Variants in SEPTIN2 observed in about 807,000 individuals in gnomAD.
SEPTIN2 encodes the protein septin-2.
SEPTIN2 carries 34 observed loss-of-function variants against 46.5 expected under a neutral mutation model. The observed-to-expected ratio is 0.73, with a 90% CI of 0.56 to 0.97. SEPTIN2 has a LOEUF of 0.97. Ranked by LOEUF, SEPTIN2 falls within the 50% of genes least tolerant of loss-of-function variation. SEPTIN2 has a pLI of 0.00. For missense variants in SEPTIN2, 347 were observed against 448.4 expected, an observed-to-expected ratio of 0.77 and a Z score of 2.04; for synonymous variants, 175 against 153.4, an observed-to-expected ratio of 1.14 and a Z score of -1.04.
In SEPTIN2 at chr2:241,352,229, G is replaced by C. The variant is rs934101056; in HGVS notation, c.*292G>C. 4.6e-5 allele frequency: 7 copies of C among 152,606 alleles called. No individual in the cohort carries two copies. The highest frequency in any genetic ancestry group is 1.4e-4 in the African/African-American group (6 of 41,422). 9.5% of individuals were successfully genotyped at this position (152,606 alleles called of 1,614,324 possible). A position where few individuals can be genotyped will look rare whatever the true frequency, so the allele number is the denominator to read the frequency against. On this transcript the variant is annotated 3_prime_UTR_variant, in exon 13 of 13. Coordinates refer to ENST00000391971, the MANE Select transcript of SEPTIN2 (RefSeq NM_004404.5). The stretch of plus-strand genomic sequence containing the variant: ...TGTTAGAATTGATTTCCAAGAATCG[G>C]CATGTATACTTAATACTGAATTTCT...
rs899494355 is a variant in SEPTIN2, at chr2:241,336,305, A to G, written c.341+207A>G. 20 of 567,934 alleles carry G rather than the reference A, an allele frequency of 3.5e-5. No homozygotes were observed. In the African/African-American group the frequency reaches 3.6e-4, roughly 10 times the overall value. The allele number at this position is 567,934 out of a possible 1,614,324, so 35.2% of individuals were successfully genotyped here. A position where few individuals can be genotyped will look rare whatever the true frequency, so the allele number is the denominator to read the frequency against. On this transcript the variant is annotated intron_variant, in intron 5 of 12. Coordinates refer to ENST00000391971, the MANE Select transcript of SEPTIN2 (RefSeq NM_004404.5). ...TTCTGGTACTCTACTGTAATTTGAG[A>G]TCGCAAAGCCAGTCATCCATAGACT...
At chr2:241,337,858 T>A (rs1363660054) in intron 7 of SEPTIN2, 68 bp downstream of exon 7, 2 of 1,113,354 alleles carry the variant, frequency 1.8e-6, no homozygotes, top group African/African-American at 3.1e-5. Context: ...AAGAAAGGAG[T>A]GTGTTCCCAC....
At chr2:241,319,424 T>A (rs986508072) in intron 1 of SEPTIN2, among the ~76,000 whole-genome samples, 1 of 152,280 alleles carries the variant, frequency 6.6e-6, no homozygotes, top group African/African-American at 2.4e-5. Flanking sequence ...GTTTGCTTTT[T>A]GTATAGGTCT....
At chr2:241,339,543 A>G (rs775211128) in intron 7 of SEPTIN2, among the ~76,000 whole-genome samples, 10 of 152,128 alleles carry the variant, frequency 6.6e-5, no homozygotes, top group African/African-American at 9.7e-5. Flanking sequence ...ATCCTCATAT[A>G]TATACTGTAT....
chr2:241,321,498 T>C (rs901347862), intron 1 of SEPTIN2, among the ~76,000 whole-genome samples: 1 of 152,206 alleles, frequency 6.6e-6, no homozygotes, highest in African/African-American at 2.4e-5. Flanking sequence ...TTTTACCTTG[T>C]CCCTTTATTT....
chr2:241,324,904 G>A (rs1165971413), intron 2 of SEPTIN2: 1 of 152,088 alleles, frequency 6.6e-6, no homozygotes, highest in East Asian at 1.9e-4. Flanking sequence ...AGATAAATTA[G>A]TGCTAAAGAA....
At chr2:241,323,230 G>A (rs1056142231) in intron 1 of SEPTIN2, among the ~76,000 whole-genome samples, 1 of 151,476 alleles carries the variant, frequency 6.6e-6, no homozygotes, top group African/African-American at 2.4e-5. Context: ...GAGTGCAGTG[G>A]CATGATCTCG....
intron 8 of SEPTIN2, among the ~76,000 whole-genome samples, chr2:241,343,316 T>C (rs1232555555): frequency 1.3e-5 from 2 of 152,152 alleles, no homozygotes; most frequent in Admixed American, 6.5e-5. Flanking sequence ...CTGGCCAACA[T>C]GGTGAAATCT....
intron 7 of SEPTIN2, among the ~76,000 whole-genome samples, chr2:241,338,341 AT>A (rs1319806997): frequency 6.6e-6 from 1 of 151,924 alleles, no homozygotes; most frequent in Non-Finnish European, 1.5e-5. Context: ...CTTTGTTCTG[AT>A]TATATGCTCC....
At chr2:241,350,577 G>A (rs889407004) in intron 12 of SEPTIN2, among the ~76,000 whole-genome samples, 1 of 152,196 alleles carries the variant, frequency 6.6e-6, no homozygotes, top group Non-Finnish European at 1.5e-5. Context: ...TCTCTTTAAA[G>A]GGAATAAAAA....
intron 3 of SEPTIN2, among the ~76,000 whole-genome samples, chr2:241,330,097 T>A (rs2078740854): frequency 6.6e-6 from 1 of 152,204 alleles, no homozygotes; most frequent in South Asian, 2.1e-4. Flanking sequence ...CTCTACTTTT[T>A]ACATATACAC....
chr2:241,344,717 TTAAA>T (rs372627876), intron 9 of SEPTIN2, among the ~76,000 whole-genome samples: 2 of 149,286 alleles, frequency 1.3e-5, no homozygotes, highest in African/African-American at 2.5e-5. Flanking sequence ...AAATAATAAA[TTAAA>T]TAAATAAATT....
At chr2:241,328,941 A>G (rs545733798) in intron 3 of SEPTIN2, among the ~76,000 whole-genome samples, 33 of 150,634 alleles carry the variant, frequency 2.2e-4, no homozygotes, top group Admixed American at 4.6e-4. Flanking sequence ...AATCACTTGA[A>G]CCCGGGAGGT....
At position 241,353,814 on chromosome 2, in the gene SEPTIN2, A is replaced by C. The variant is rs569582950; in HGVS notation, c.*1877A>C. 1 of 153,392 alleles carries C rather than the reference A, an allele frequency of 6.5e-6. No homozygotes were observed. The highest frequency in any genetic ancestry group is 2.4e-5 in the African/African-American group (1 of 41,470). The allele number at this position is 153,392 out of a possible 1,614,324, so 9.5% of individuals were successfully genotyped here. A position where few individuals can be genotyped will look rare whatever the true frequency, so the allele number is the denominator to read the frequency against. On this transcript the variant is annotated 3_prime_UTR_variant, in exon 13 of 13. Transcript: ENST00000391971. ...CGCTGCCTCCTGGTAACAGCTATGC[A>C]GGGAGGGAGGACCCACACTGCTACA...
chr2:241,338,038 G>A (rs1325833149), intron 7 of SEPTIN2, among the ~76,000 whole-genome samples: 1 of 152,190 alleles, frequency 6.6e-6, no homozygotes, highest in Non-Finnish European at 1.5e-5. Context: ...TCGATGAGTA[G>A]CAGTTGGTTA....
chr2:241,344,372 A>T (rs2081690381), intron 9 of SEPTIN2, among the ~76,000 whole-genome samples: 1 of 152,176 alleles, frequency 6.6e-6, no homozygotes, highest in African/African-American at 2.4e-5. Context: ...AATAGCAATT[A>T]CAGACCTGAC....
intron 3 of SEPTIN2, among the ~76,000 whole-genome samples, chr2:241,334,559 G>C (rs2079587470): frequency 6.6e-6 from 1 of 152,212 alleles, no homozygotes; most frequent in Non-Finnish European, 1.5e-5. Context: ...CCAGTGCTGG[G>C]AAACGGGGAT....
intron 7 of SEPTIN2, among the ~76,000 whole-genome samples, chr2:241,338,863 T>A (rs1441531349): frequency 8.5e-5 from 3 of 35,212 alleles, no homozygotes; most frequent in Non-Finnish European, 1.1e-4. Flanking sequence ...TATATAAAAA[T>A]ATATATATTT....
At chr2:241,321,841 A>C (rs1198712496) in intron 1 of SEPTIN2, among the ~76,000 whole-genome samples, 1 of 151,812 alleles carries the variant, frequency 6.6e-6, no homozygotes, top group Non-Finnish European at 1.5e-5. Context: ...TACTTTCATA[A>C]TCAGATACTT....
Sources: gnomAD v4.1 joint callset for allele counts (sites outside exome capture counted in the v4.1 genomes callset) on GRCh38, gnomAD v4.1.1 for gene constraint, MANE v1.5 for transcripts, NCBI Gene and HGNC (gene_info 2026-07-23, HGNC 2026-07-21) for gene names.